The following AMOTL2 variants were observed in gnomAD, a reference collection of about 807,000 sequenced individuals.
AMOTL2 encodes the protein angiomotin like 2.
A neutral mutation model predicts 78.4 loss-of-function variants in AMOTL2; 33 were observed. The ratio of observed to expected loss-of-function variants is 0.42; its 90% CI spans 0.32 to 0.56. The LOEUF is 0.56. Among genes scored for constraint, AMOTL2 ranks in the 20% least tolerant of loss-of-function variants. AMOTL2 has a pLI of 0.12. For missense variants in AMOTL2, 983 were observed against 1,030.1 expected (o/e 0.95, Z 0.63); for synonymous variants, 422 against 428.8 (o/e 0.98, Z 0.20).
At chr3:134,374,923 G>A, upstream of AMOTL2, 1 of 918,066 alleles carries the variant, frequency 1.1e-6, no homozygotes, top group Non-Finnish European at 1.4e-6. Context: ...GTGTGTGTGT[G>A]TGTGCGTGTG....
chr3:134,358,452 T>C, intron 9 of AMOTL2, 88 bp downstream of exon 9: 1 of 1,464,234 alleles, frequency 6.8e-7, no homozygotes, highest in Non-Finnish European at 9.1e-7. Context: ...CCGGAGGGGG[T>C]CTGGGAAGAA....
At chr3:134,367,828 C>T in intron 2 of AMOTL2, 25 bp from the exon 3 acceptor site, 2 of 1,611,770 alleles carry the variant, frequency 1.2e-6, no homozygotes, top group South Asian at 2.2e-5. Context: ...AGACGGTGCT[C>T]AGAGACAGCA....
chr3:134,365,119 C>A (rs529109569), intron 5 of AMOTL2, among the ~76,000 whole-genome samples: 58 of 152,250 alleles, frequency 3.8e-4, no homozygotes, highest in African/African-American at 1.3e-3. Flanking sequence ...TCTGTGGGAA[C>A]CTGCTCCTTT....
chr3:134,358,743 T>C (rs756390324), intron 8 of AMOTL2, 24 bp from the exon 9 acceptor site: 3 of 1,613,630 alleles, frequency 1.9e-6, no homozygotes, highest in Non-Finnish European at 2.5e-6. Flanking sequence ...TGGATGGTTA[T>C]TGCCATGCCT....
chr3:134,368,442 A>G (rs2017705696), intron 2 of AMOTL2, among the ~76,000 whole-genome samples: 1 of 152,152 alleles, frequency 6.6e-6, no homozygotes, highest in Non-Finnish European at 1.5e-5. Context: ...AATGAGACAA[A>G]TGTCAGGGTA....
Position 134,367,727 on chromosome 3 carries a change from G to A in AMOTL2, c.811C>T (p.His271Tyr), listed in dbSNP as rs972416350. The A allele has an allele frequency of 4.3e-6, 7 of 1,613,782 alleles. No individual in the cohort carries two copies. Among genetic ancestry groups the A allele is most frequent in the Admixed American group, 3.3e-5 (2 of 60,012 alleles). ...GCAGCTGGATGTGGGGGAGGGGGGT[G>A]CTCCTGAGATTGCTGCAGGTACTGG... ...QYQYLQQSQE[H>Y]PPPPHPAALG... Residue 271 changes from histidine to tyrosine, a missense_variant, in exon 3 of 10, where the codon CAC becomes TAC. Physicochemically the swap from His to Tyr is moderately conservative, Grantham distance 83. Coordinates refer to ENST00000249883, the MANE Select transcript of AMOTL2 (RefSeq NM_016201.4).
Position 134,374,406 on chromosome 3 carries a change from T to A in AMOTL2, c.-126A>T. The A allele has an allele frequency of 2.0e-6, 2 of 984,886 alleles. No homozygotes were observed. Among genetic ancestry groups the A allele is most frequent in the Non-Finnish European group, 2.4e-6 (2 of 829,868 alleles). The allele number at this position is 984,886 out of a possible 1,614,324, so 61.0% of individuals were successfully genotyped here. A position where few individuals can be genotyped will look rare whatever the true frequency, so the allele number is the denominator to read the frequency against. On this transcript the variant is annotated 5_prime_UTR_variant, in exon 1 of 10. Transcript: ENST00000249883. ...AACCTCCGGCTCGGCCCAGCTCAGC[T>A]CGGCGGCGAAGATGTGTTCTCGGCC...
rs1404155477 is a variant in AMOTL2 at position 134,371,108 on chromosome 3, T to C, written c.326A>G (p.Glu109Gly). Residue 109 changes from glutamate to glycine, a missense_variant, in exon 2 of 10, where the codon GAG becomes GGG. Glu to Gly is a moderately conservative substitution (Grantham distance 98, BLOSUM62 -2). Transcript: ENST00000249883. ...SKGEELPTYE[E>G]AKAHSQYYAA... ...ATAGTACTGCGAGTGGGCTTTGGCC[T>C]CCTCATAGGTGGGCAGCTCCTCTCC... 6.2e-6 allele frequency: 10 copies of C among 1,613,060 alleles called. No homozygotes were observed. The highest frequency in any genetic ancestry group is 1.3e-5 in the African/African-American group (1 of 74,916).
At chr3:134,366,143 T>C in intron 4 of AMOTL2, 140 bp downstream of exon 4, 1 of 1,221,252 alleles carries the variant, frequency 8.2e-7, no homozygotes, top group Non-Finnish European at 1.2e-6. Flanking sequence ...TCAGGGCAGC[T>C]CCAAAGGGGT....
chr3:134,364,365 C>G (rs550623603), intron 5 of AMOTL2, among the ~76,000 whole-genome samples: 17 of 152,050 alleles, frequency 1.1e-4, no homozygotes, highest in Admixed American at 2.6e-4. Context: ...GGCCGGCCCC[C>G]CTCTTCTCAC....
chr3:134,369,290 CT>C (rs1361965816), intron 2 of AMOTL2, among the ~76,000 whole-genome samples: 1 of 152,190 alleles, frequency 6.6e-6, no homozygotes, highest in Admixed American at 6.5e-5. Flanking sequence ...TTGCTCCCCC[CT>C]GCACTGGGCC....
intron 6 of AMOTL2, among the ~76,000 whole-genome samples, chr3:134,360,687 A>G (rs973495111): frequency 6.6e-6 from 1 of 152,240 alleles, no homozygotes; most frequent in Non-Finnish European, 1.5e-5. Context: ...AAACTGGTGT[A>G]CATTAGAACA....
At chr3:134,373,107 C>A (rs2017938361) in intron 1 of AMOTL2, among the ~76,000 whole-genome samples, 1 of 152,092 alleles carries the variant, frequency 6.6e-6, no homozygotes, top group South Asian at 2.1e-4. Flanking sequence ...GGGGATGAGT[C>A]TGGAGGGCAC....
intron 1 of AMOTL2, 111 bp downstream of exon 1, chr3:134,374,230 CT>C (rs935594248): frequency 1.0e-6 from 1 of 985,326 alleles, no homozygotes; most frequent in African/African-American, 1.7e-5. Flanking sequence ...ACGCTCGATC[CT>C]CGAGGCTCCG....
At chr3:134,358,863 C>T (rs2017208045) in intron 8 of AMOTL2, 144 bp from the exon 9 acceptor site, 2 of 966,354 alleles carry the variant, frequency 2.1e-6, no homozygotes, top group South Asian at 3.1e-5. Context: ...AAAAATGCTC[C>T]TATTTTCAAA....
chr3:134,361,959 T>C (rs1163978894), intron 5 of AMOTL2, 152 bp from the exon 6 acceptor site: 3 of 749,508 alleles, frequency 4.0e-6, no homozygotes, highest in Non-Finnish European at 4.2e-6. Flanking sequence ...CCCTGTTTCA[T>C]GGAAGAAGAA....
At chr3:134,371,683 T>A in intron 1 of AMOTL2, 189 bp from the exon 2 acceptor site, 1 of 885,682 alleles carries the variant, frequency 1.1e-6, no homozygotes. Flanking sequence ...ACAAGTTACC[T>A]AATCTCTGAG....
Position 134,361,594 on chromosome 3 carries a change from G to A in AMOTL2, c.1493C>T (p.Ala498Val). 1 of 1,613,062 alleles carries A rather than the reference G, an allele frequency of 6.2e-7. No individual in the cohort carries two copies. Among genetic ancestry groups the A allele is most frequent in the Non-Finnish European group, 8.5e-7 (1 of 1,179,958 alleles). Residue 498 changes from alanine to valine, a missense_variant, in exon 6 of 10, where the codon GCA becomes GTA. Ala to Val is a moderately conservative substitution (Grantham distance 64). Coordinates refer to ENST00000249883, the MANE Select transcript of AMOTL2 (RefSeq NM_016201.4). Reference protein sequence around the residue: ...RLQQALGQLQAACEKREQLEL... With the variant: ...RLQQALGQLQVACEKREQLEL... ...CAGCTGCTCCCGCTTCTCACAGGCT[G>A]CCTGCAGCTGCCCGAGCGCCTGCTG...
At chr3:134,375,016 G>A (rs1377926084), upstream of AMOTL2, 2 of 1,439,758 alleles carry the variant, frequency 1.4e-6, no homozygotes, top group South Asian at 1.5e-5. Context: ...CCCGGGCTAA[G>A]TGAATGCTTC....
Sources: allele counts gnomAD v4.1 joint callset (sites outside exome capture counted in the v4.1 genomes callset), GRCh38; gene constraint gnomAD v4.1.1; transcripts MANE v1.5; gene names NCBI Gene and HGNC (gene_info 2026-07-23, HGNC 2026-07-21).